MYCT1: variants seen among roughly 807,000 people sequenced by gnomAD.
MYCT1 encodes myc target protein 1.
In MYCT1, 12 loss-of-function variants were observed where a neutral mutation model predicts 15.0. The observed-to-expected ratio is 0.80, with a 90% CI of 0.51 to 1.29. The LOEUF is 1.29. Ranked by LOEUF, MYCT1 falls within the 50% of genes most tolerant of loss-of-function variation. MYCT1 has a pLI of 0.00. For synonymous variants in MYCT1, 104 were observed against 102.7 expected, an observed-to-expected ratio of 1.01 and a Z score of -0.07; for missense variants, 287 against 279.1, an observed-to-expected ratio of 1.03 and a Z score of -0.20.
At chr6:152,746,383 G>A in the MYCT1 span, among the ~76,000 whole-genome samples, 3 of 152,178 alleles carry the variant, frequency 2.0e-5, no homozygotes, top group East Asian at 5.8e-4. Context: ...AGATATGCTG[G>A]ACAAAGGGAT....
chr6:152,723,431 T>C lies in MYCT1; in HGVS notation c.*1178T>C, dbSNP rs1271661396. The C allele has an allele frequency of 6.6e-6, 1 of 152,204 alleles. No individual in the cohort carries two copies. The highest frequency in any genetic ancestry group is 1.5e-5 in the Non-Finnish European group (1 of 68,038). The allele number at this position is 152,204 out of a possible 1,614,324, so 9.4% of individuals were successfully genotyped here. A position where few individuals can be genotyped will look rare whatever the true frequency, so the allele number is the denominator to read the frequency against. On this transcript the variant is annotated 3_prime_UTR_variant, in exon 2 of 2. Coordinates refer to ENST00000367245, the MANE Select transcript of MYCT1 (RefSeq NM_025107.3). The stretch of plus-strand genomic sequence containing the variant: ...TACATCTAGCAACTTGGAAAGCACT[T>C]TCTCTGGGGATCTTCTTTTGTAACT...
chr6:152,715,721 A>G (rs889954546), intron 1 of MYCT1, among the ~76,000 whole-genome samples: 2 of 152,176 alleles, frequency 1.3e-5, no homozygotes, highest in Non-Finnish European at 2.9e-5. Flanking sequence ...TATAAGCAAA[A>G]GACCTGAAAT....
Position 152,722,383 on chromosome 6 carries a change from T to G in MYCT1, c.*130T>G, listed in dbSNP as rs114474117. 7.8e-4 allele frequency: 698 copies of G among 899,222 alleles called. 5 individuals carry two copies. The African/African-American group carries it at 0.011, about 14-fold the overall frequency. 55.7% of individuals were successfully genotyped at this position (899,222 alleles called of 1,614,324 possible). On this transcript the variant is annotated 3_prime_UTR_variant, in exon 2 of 2. Transcript: ENST00000367245. ...TGAGTTCCAAGTTGAAACATGGTTG[T>G]GCAAGTTGGACATTACAATGTAAAA...
the MYCT1 span, among the ~76,000 whole-genome samples, chr6:152,742,091 G>A: frequency 1.3e-5 from 2 of 152,158 alleles, no homozygotes; most frequent in Non-Finnish European, 1.5e-5. Context: ...TTACGTGACA[G>A]CAACATGCTT....
intron 1 of MYCT1, among the ~76,000 whole-genome samples, chr6:152,717,739 A>G (rs369348330): frequency 4.6e-5 from 7 of 152,172 alleles, no homozygotes; most frequent in African/African-American, 1.7e-4. Flanking sequence ...TATCAGCAGC[A>G]TGAAAACAGA....
the MYCT1 span, among the ~76,000 whole-genome samples, chr6:152,731,993 A>T: frequency 6.6e-6 from 1 of 152,154 alleles, no homozygotes; most frequent in Non-Finnish European, 1.5e-5. Flanking sequence ...CAAACTACAG[A>T]GTGAAGGATG....
At chr6:152,729,176 G>T (rs192685219), downstream of MYCT1, among the ~76,000 whole-genome samples, 2 of 152,248 alleles carry the variant, frequency 1.3e-5, no homozygotes, top group East Asian at 3.9e-4. Flanking sequence ...TCTGAAAACC[G>T]CTATAAAAAT....
chr6:152,741,802 C>T, the MYCT1 span, among the ~76,000 whole-genome samples: 5 of 152,106 alleles, frequency 3.3e-5, no homozygotes, highest in East Asian at 5.8e-4. Context: ...ACTAAGAAAA[C>T]GACTATCATC....
downstream of MYCT1, chr6:152,724,616 A>G (rs571422154): frequency 6.6e-6 from 1 of 152,306 alleles, no homozygotes; most frequent in South Asian, 2.1e-4. Flanking sequence ...ACTGTTCTAA[A>G]AAGCAAGGAG....
rs747196757 is a variant in MYCT1 at position 152,721,779 on chromosome 6, CG to C, written c.237del (p.Leu80TrpfsTer106). 6.2e-7 allele frequency: 1 copy of C among 1,614,036 alleles called. No individual in the cohort carries two copies. The highest frequency in any genetic ancestry group is 1.1e-5 in the South Asian group (1 of 91,066). On this transcript the variant is annotated frameshift_variant, in exon 2 of 2. Coordinates refer to ENST00000367245, the MANE Select transcript of MYCT1 (RefSeq NM_025107.3). LOFTEE classifies it high-confidence loss of function. ...TGTCCTTCACTGTATCCATGGCAAT[CG>C]GGCTGGTACTTGGAGGATTTATTTG... ...IMSFTVSMAI[G>X]LVLGGFIWAV...
the MYCT1 span, among the ~76,000 whole-genome samples, chr6:152,736,299 G>C: frequency 6.6e-6 from 1 of 152,040 alleles, no homozygotes; most frequent in Admixed American, 6.6e-5. Flanking sequence ...AAATTACTAA[G>C]TAATACCCTT....
At chr6:152,712,795 A>G (rs1162254377) in intron 1 of MYCT1, among the ~76,000 whole-genome samples, 2 of 152,100 alleles carry the variant, frequency 1.3e-5, no homozygotes, top group African/African-American at 4.8e-5. Context: ...ATTGTCTTTT[A>G]TGAATGTAAT....
downstream of MYCT1, among the ~76,000 whole-genome samples, chr6:152,729,533 A>G (rs2099726196): frequency 6.6e-6 from 1 of 152,222 alleles, no homozygotes. Flanking sequence ...TGAATGTCTT[A>G]TCACCAAATC....
chr6:152,722,943 T>C lies in MYCT1; in HGVS notation c.*690T>C, dbSNP rs1303988487. On this transcript the variant is annotated 3_prime_UTR_variant, in exon 2 of 2. Coordinates refer to ENST00000367245, the MANE Select transcript of MYCT1 (RefSeq NM_025107.3). ...TTTTAGTAGAGATGAAGTGTCACTA[T>C]GTTACCAAGGCTGGTCTCAAACTCC... 1.2e-5 allele frequency: 2 copies of C among 167,370 alleles called. No individual in the cohort carries two copies. Among genetic ancestry groups the C allele is most frequent in the African/African-American group, 4.8e-5 (2 of 41,822 alleles). 10.4% of individuals were successfully genotyped at this position (167,370 alleles called of 1,614,324 possible). A position where few individuals can be genotyped will look rare whatever the true frequency, so the allele number is the denominator to read the frequency against.
chr6:152,699,607 G>C (rs549101988), intron 1 of MYCT1, among the ~76,000 whole-genome samples: 1 of 152,184 alleles, frequency 6.6e-6, no homozygotes, highest in South Asian at 2.1e-4. Context: ...AAAAGAGCTA[G>C]AGTCTGTCTA....
chr6:152,728,742 A>G (rs1052495741), downstream of MYCT1, among the ~76,000 whole-genome samples: 3 of 151,936 alleles, frequency 2.0e-5, no homozygotes, highest in African/African-American at 7.3e-5. Context: ...CTAAAAATCA[A>G]AAAACTAGCC....
intron 1 of MYCT1, among the ~76,000 whole-genome samples, chr6:152,712,804 ATGT>A (rs1565392491): frequency 6.6e-6 from 1 of 152,052 alleles, no homozygotes; most frequent in Non-Finnish European, 1.5e-5. Flanking sequence ...TATGAATGTA[ATGT>A]TATTATTATT....
intron 1 of MYCT1, among the ~76,000 whole-genome samples, chr6:152,703,572 A>T (rs2099721703): frequency 6.8e-6 from 1 of 147,262 alleles, no homozygotes; most frequent in Non-Finnish European, 1.5e-5. Flanking sequence ...TTTAGTATGC[A>T]TATCATTAAC....
At chr6:152,734,625 T>A in the MYCT1 span, among the ~76,000 whole-genome samples, 11 of 152,212 alleles carry the variant, frequency 7.2e-5, no homozygotes, top group Non-Finnish European at 1.3e-4. Flanking sequence ...GAAATTCTCA[T>A]TGGAAAAGAC....
Sources: allele counts gnomAD v4.1 joint callset (sites outside exome capture counted in the v4.1 genomes callset), GRCh38; gene constraint gnomAD v4.1.1; transcripts MANE v1.5; gene names NCBI Gene and HGNC (gene_info 2026-07-23, HGNC 2026-07-21).